The following NALCN variants were observed in gnomAD, a reference collection of about 807,000 sequenced individuals.
The protein encoded by NALCN is sodium leak channel, non-selective, also known as sodium leak channel NALCN.
NALCN carries 111 observed loss-of-function variants against 225.3 expected under a neutral mutation model. That is an observed-to-expected ratio of 0.49 (90% CI 0.42 to 0.58). The LOEUF (loss-of-function observed/expected upper bound fraction) is 0.58, where lower values mean the gene tolerates loss of function less well. Among genes scored for constraint, NALCN ranks in the 20% least tolerant of loss-of-function variants. NALCN has a pLI of 0.00. For synonymous variants in NALCN, 764 were observed against 769.0 expected (o/e 0.99, Z 0.11); for missense variants, 1,378 against 2,202.4 (o/e 0.63, Z 7.49).
intron 13 of NALCN, among the ~76,000 whole-genome samples, chr13:101,210,478 T>A (rs2040482631): frequency 6.6e-6 from 1 of 152,170 alleles, no homozygotes; most frequent in Non-Finnish European, 1.5e-5. Flanking sequence ...TATTTCCGCG[T>A]CTGGAAATAA....
At chr13:101,216,599 T>C (rs1391141387) in intron 13 of NALCN, among the ~76,000 whole-genome samples, 1 of 152,180 alleles carries the variant, frequency 6.6e-6, no homozygotes, top group African/African-American at 2.4e-5. Context: ...TTCAGCAATA[T>C]TAATTGAACT....
In NALCN at chr13:101,155,593, G is replaced by A. The variant is rs781549897; in HGVS notation, c.1840-10697C>T. 7.8e-4 allele frequency among the ~76,000 whole-genome samples: 119 copies of A among 152,142 alleles called. 1 individual carries two copies. Among genetic ancestry groups the A allele is most frequent in the Non-Finnish European group, 1.5e-3 (100 of 68,032 alleles). ...AGGTTAACTGTCCTTACTTGGGTAAGGTGATGTCTGCCAGGTTTCTGCATT... is the reference window on the plus strand; with the variant it reads ...AGGTTAACTGTCCTTACTTGGGTAAAGTGATGTCTGCCAGGTTTCTGCATT... On this transcript the variant is annotated intron_variant, in intron 15 of 43. Transcript: ENST00000251127.
chr13:101,393,264 C>T (rs1171482469), intron 3 of NALCN, among the ~76,000 whole-genome samples: 1 of 152,164 alleles, frequency 6.6e-6, no homozygotes, highest in Non-Finnish European at 1.5e-5. Context: ...CAGTGGATTA[C>T]CGTTTCCCAC....
At position 101,230,603 on chromosome 13, in the gene NALCN, G is replaced by A. The variant is rs1035485838; in HGVS notation, c.1435-1019C>T. Reference sequence around the variant, plus strand: ...TTTTAAAATACCTTTCTCTTGCCTGGAAATGGAAACAAATAGTGTAGCCCC... The same window carrying A: ...TTTTAAAATACCTTTCTCTTGCCTGAAAATGGAAACAAATAGTGTAGCCCC... On this transcript the variant is annotated intron_variant, in intron 12 of 43. Coordinates refer to ENST00000251127, the MANE Select transcript of NALCN (RefSeq NM_052867.4). Among the ~76,000 whole-genome samples the A allele has an allele frequency of 2.0e-5, 3 of 152,132 alleles. No homozygotes were observed. The South Asian group carries it at 6.2e-4, about 32-fold the overall frequency.
intron 10 of NALCN, among the ~76,000 whole-genome samples, chr13:101,280,976 G>A (rs2043150177): frequency 6.6e-6 from 1 of 151,036 alleles, no homozygotes; most frequent in Non-Finnish European, 1.5e-5. Context: ...CACCTCCCGG[G>A]TTCAAGTGAT....
At chr13:101,076,608 C>T (rs910510936) in intron 34 of NALCN, among the ~76,000 whole-genome samples, 1 of 152,226 alleles carries the variant, frequency 6.6e-6, no homozygotes, top group African/African-American at 2.4e-5. Context: ...ATGACAGTCA[C>T]AGATGGGCCC....
chr13:101,183,798 C>G (rs2039340305), intron 14 of NALCN, among the ~76,000 whole-genome samples: 1 of 151,956 alleles, frequency 6.6e-6, no homozygotes, highest in South Asian at 2.1e-4. Flanking sequence ...ATACTATGTC[C>G]CTATTTTTTT....
chr13:101,348,982 T>C (rs916417969), intron 6 of NALCN, among the ~76,000 whole-genome samples: 3 of 152,190 alleles, frequency 2.0e-5, no homozygotes, highest in African/African-American at 7.2e-5. Context: ...TTAACCTTAA[T>C]TATTTCCGTA....
At chr13:101,344,153 T>C (rs1187059763) in intron 7 of NALCN, among the ~76,000 whole-genome samples, 2 of 152,182 alleles carry the variant, frequency 1.3e-5, no homozygotes, top group Non-Finnish European at 2.9e-5. Context: ...TGCCTAAAAG[T>C]TATTGGTATA....
Position 101,346,087 on chromosome 13 carries a change from C to CTCTCTCTCTCTCTCTATA in NALCN, c.645-668_645-667insTATAGAGAGAGAGAGAGA. On this transcript the variant is annotated intron_variant, in intron 6 of 43. Transcript: ENST00000251127. ...TCTCTCTCTCTCTCTCTCTCTCTCT[C>CTCTCTCTCTCTCTCTATA]TATATATATATATATATATATATAT... Among the ~76,000 whole-genome samples the CTCTCTCTCTCTCTCTATA allele has an allele frequency of 4.0e-3, 286 of 70,900 alleles. 2 individuals are homozygous for CTCTCTCTCTCTCTCTATA. The highest frequency in any genetic ancestry group is 6.6e-3 in the South Asian group (12 of 1,810). 46.5% of individuals were successfully genotyped at this position (70,900 alleles called of 152,430 possible). A position where few individuals can be genotyped will look rare whatever the true frequency, so the allele number is the denominator to read the frequency against.
intron 1 of NALCN, among the ~76,000 whole-genome samples, chr13:101,401,678 C>A (rs1314323213): frequency 6.6e-6 from 1 of 152,040 alleles, no homozygotes; most frequent in African/African-American, 2.4e-5. Context: ...TCTGACCAAC[C>A]AAAATAGTGC....
intron 43 of NALCN, among the ~76,000 whole-genome samples, 179 bp from the exon 44 acceptor site, chr13:101,055,667 T>A (rs2031140303): frequency 1.3e-5 from 2 of 152,058 alleles, no homozygotes; most frequent in Admixed American, 6.6e-5. Context: ...ATTTTTTTTT[T>A]AATTGTGCTC....
intron 7 of NALCN, among the ~76,000 whole-genome samples, chr13:101,309,338 G>T (rs2044259803): frequency 1.3e-5 from 2 of 152,128 alleles, no homozygotes; most frequent in South Asian, 2.1e-4. Context: ...ACAAATATGA[G>T]AAATATTTAG....
chr13:101,404,519 T>G (rs565501724), intron 1 of NALCN, among the ~76,000 whole-genome samples: 1 of 152,332 alleles, frequency 6.6e-6, no homozygotes, highest in Admixed American at 6.5e-5. Context: ...AAAGAATTTG[T>G]TGAGCACATA....
intron 37 of NALCN, among the ~76,000 whole-genome samples, chr13:101,069,384 G>T (rs910132644): frequency 2.0e-5 from 3 of 152,204 alleles, no homozygotes; most frequent in African/African-American, 7.2e-5. Context: ...ATGGCATTAT[G>T]TCCAAAAAGG....
intron 6 of NALCN, among the ~76,000 whole-genome samples, chr13:101,359,472 T>A (rs2046160569): frequency 6.6e-6 from 1 of 152,250 alleles, no homozygotes; most frequent in South Asian, 2.1e-4. Flanking sequence ...ACAGCAGTGA[T>A]GCTGCGTCCT....
At chr13:101,134,291 A>C (rs940476740) in intron 17 of NALCN, among the ~76,000 whole-genome samples, 1 of 152,244 alleles carries the variant, frequency 6.6e-6, no homozygotes, top group Non-Finnish European at 1.5e-5. Flanking sequence ...ATGCATGTGC[A>C]CGTGTGTGCA....
intron 13 of NALCN, among the ~76,000 whole-genome samples, chr13:101,204,709 T>C (rs1315140811): frequency 6.6e-6 from 1 of 152,136 alleles, no homozygotes; most frequent in African/African-American, 2.4e-5. Flanking sequence ...TGTAGGTATG[T>C]CCAATTGTCT....
chr13:101,140,802 T>C (rs1273554322), intron 17 of NALCN, among the ~76,000 whole-genome samples: 2 of 152,194 alleles, frequency 1.3e-5, no homozygotes, highest in East Asian at 3.9e-4. Flanking sequence ...GCCATGCCTA[T>C]AGTCCCGGCT....
Sources: gnomAD v4.1 joint callset for allele counts (sites outside exome capture counted in the v4.1 genomes callset) on GRCh38, gnomAD v4.1.1 for gene constraint, MANE v1.5 for transcripts, NCBI Gene and HGNC (gene_info 2026-07-23, HGNC 2026-07-21) for gene names.